CHMP2A: variants seen among roughly 807,000 people sequenced by gnomAD.
CHMP2A encodes VPS2 homolog A.
CHMP2A carries 6 observed loss-of-function variants against 21.8 expected under a neutral mutation model. The ratio of observed to expected loss-of-function variants is 0.28; its 90% CI spans 0.15 to 0.54. The LOEUF (loss-of-function observed/expected upper bound fraction) is 0.54. Among genes scored for constraint, CHMP2A ranks in the 20% least tolerant of loss-of-function variants. CHMP2A has a pLI of 0.95. For missense variants in CHMP2A, 303 were observed against 293.9 expected (o/e 1.03, Z -0.23); for synonymous variants, 125 against 107.0 (o/e 1.17, Z -1.04).
At chr19:58,551,810 T>C (rs1484029895) in intron 5 of CHMP2A, 34 bp from the exon 6 acceptor site, 1 of 1,613,402 alleles carries the variant, frequency 6.2e-7, no homozygotes, top group Admixed American at 1.7e-5. Context: ...GCAGGTGGGG[T>C]CAGGCAGCGG....
chr19:58,553,440 G>C (rs2053856266), intron 2 of CHMP2A, among the ~76,000 whole-genome samples: 1 of 141,182 alleles, frequency 7.1e-6, no homozygotes, highest in South Asian at 2.3e-4. Flanking sequence ...GCATGATCTT[G>C]GCTCACTGTA....
At position 58,554,053 on chromosome 19, in the gene CHMP2A, C is replaced by T. The variant is rs766161099; in HGVS notation, c.160G>A (p.Gly54Ser). ...CGACCACCCACACTCACCATCTGGC[C>T]TTGCTTGGCCATCTTCTTAATGTCT... ...IADIKKMAKQ[G>S]QMDAVRIMAK... The change falls in exon 2 of 6, where the codon GGC becomes AGC. Residue 54 changes from glycine (G) to serine (S), a missense_variant. Gly to Ser is a moderately conservative substitution (Grantham distance 56). Transcript: ENST00000312547. 2.2e-5 allele frequency: 35 copies of T among 1,613,712 alleles called. No individual in the cohort carries two copies. Among genetic ancestry groups the T allele is most frequent in the Non-Finnish European group, 2.7e-5 (32 of 1,180,032 alleles).
rs1248793851 is a variant in CHMP2A, at chr19:58,554,162, C to T, written c.51G>A (p.Gln17=). Residue 17 remains glutamine (Q), a synonymous_variant, in exon 2 of 6, where the codon CAG becomes CAA. Coordinates refer to ENST00000312547, the MANE Select transcript of CHMP2A (RefSeq NM_014453.4). Reference sequence around the variant, plus strand: ...TGGCACGGTTCAGGGCCCTCTGGTTCTGCCGCAGTAGCTCCTCTGGCGTCT... The same window carrying T: ...TGGCACGGTTCAGGGCCCTCTGGTTTTGCCGCAGTAGCTCCTCTGGCGTCT... ...RRKTPEELLR[Q]NQRALNRAMR... The T allele has an allele frequency of 6.2e-7, 1 of 1,614,120 alleles. No individual in the cohort carries two copies. The highest frequency in any genetic ancestry group is 1.7e-5 in the Admixed American group (1 of 60,028).
At position 58,551,970 on chromosome 19, in the gene CHMP2A, A is replaced by G. The variant is rs1383443088; in HGVS notation, c.480-3T>C. ...GAACCTGGGACACCACAGCATCACT[A>G]GGGAAGAGAGAGAACTCAGTGAGGG... On this transcript the variant is annotated splice_region_variant and splice_polypyrimidine_tract_variant and intron_variant, in intron 4 of 5. Transcript: ENST00000312547. 1.2e-6 allele frequency: 2 copies of G among 1,614,158 alleles called. No homozygotes were observed. The highest frequency in any genetic ancestry group is 1.1e-5 in the South Asian group (1 of 91,082).
chr19:58,551,729 T>C lies in CHMP2A; in HGVS notation c.589A>G (p.Lys197Glu). 6.2e-7 allele frequency: 1 copy of C among 1,613,982 alleles called. No individual in the cohort carries two copies. Among genetic ancestry groups the C allele is most frequent in the African/African-American group, 1.3e-5 (1 of 74,986 alleles). ...AGGGCTGAGGCTGCGGCCTCTGCTT[T>C]TTTCCCACCAGCAGCCACACTAAGC... ...GSLSVAAGGK[K>E]AEAAASALAD... is the part of the protein sequence containing the mutation. The change falls in exon 6 of 6, where the codon AAA becomes GAA. Residue 197 changes from lysine (K) to glutamate (E), a missense_variant. By Grantham distance (56) the Lys-to-Glu change is moderately conservative. Coordinates refer to ENST00000312547, the MANE Select transcript of CHMP2A (RefSeq NM_014453.4).
At chr19:58,552,023 C>T in intron 4 of CHMP2A, 32 bp downstream of exon 4, 1 of 1,614,184 alleles carries the variant, frequency 6.2e-7, no homozygotes. Context: ...GCCAGGCAAA[C>T]ATCTCCACCC....
intron 2 of CHMP2A, 103 bp from the exon 3 acceptor site, chr19:58,552,541 T>G: frequency 5.9e-5 from 65 of 1,109,292 alleles, no homozygotes; most frequent in Non-Finnish European, 7.2e-5. Flanking sequence ...CAATTTGCAA[T>G]TCCACTTGAA....
Position 58,551,788 on chromosome 19 carries a change from G to A in CHMP2A, c.542-12C>T, listed in dbSNP as rs1379024645. ...AGTTGAGGGGAGGTCTGCAGAGAAA[G>A]TGGGGGTTTGAGCAGGTGGGGTCAG... On this transcript the variant is annotated splice_polypyrimidine_tract_variant and intron_variant, in intron 5 of 5. Transcript: ENST00000312547. 2.5e-6 allele frequency: 4 copies of A among 1,614,028 alleles called. No individual in the cohort carries two copies. Among genetic ancestry groups the A allele is most frequent in the Non-Finnish European group, 3.4e-6 (4 of 1,180,026 alleles).
chr19:58,551,577 C>A lies in CHMP2A; in HGVS notation c.*72G>T. On this transcript the variant is annotated 3_prime_UTR_variant, in exon 6 of 6. Transcript: ENST00000312547. The stretch of plus-strand genomic sequence containing the variant: ...ATGGGCCTGGAGACTAGTGTCAAAT[C>A]TCTTTTATTACAGAGGGGTTGTGGT... 1 of 1,537,962 alleles carries A rather than the reference C, an allele frequency of 6.5e-7. No homozygotes were observed. The highest frequency in any genetic ancestry group is 1.2e-5 in the South Asian group (1 of 84,668).
Position 58,552,146 on chromosome 19 carries a change from C to G in CHMP2A, c.388G>C (p.Glu130Gln). 1.2e-6 allele frequency: 2 copies of G among 1,614,232 alleles called. No individual in the cohort carries two copies. Among genetic ancestry groups the G allele is most frequent in the Non-Finnish European group, 1.7e-6 (2 of 1,180,044 alleles). Residue 130 changes from glutamate to glutamine, a missense_variant, in exon 4 of 6, where the codon GAG becomes CAG. Coordinates refer to ENST00000312547, the MANE Select transcript of CHMP2A (RefSeq NM_014453.4). The stretch of plus-strand genomic sequence containing the variant: ...ATATCCATGATCTCTGCCTGCCGCT[C>G]AAACTCCATCATGATCTTCTGGATC... ...PQIQKIMMEF[E>Q]RQAEIMDMKE...
intron 2 of CHMP2A, among the ~76,000 whole-genome samples, chr19:58,553,256 C>T (rs1435557009): frequency 2.6e-5 from 4 of 152,120 alleles, no homozygotes; most frequent in Non-Finnish European, 5.9e-5. Flanking sequence ...GCCATGTTGG[C>T]CAGGCTGGTC....
Position 58,552,443 on chromosome 19 carries a change from A to G in CHMP2A, c.169-5T>C, listed in dbSNP as rs762745370. On this transcript the variant is annotated splice_polypyrimidine_tract_variant and splice_region_variant and intron_variant, in intron 2 of 5. Coordinates refer to ENST00000312547, the MANE Select transcript of CHMP2A (RefSeq NM_014453.4). ...TGCCATGATGCGAACAGCATCCTGC[A>G]GAGTAGACAAGGGTATCAAGGACAC... 2 of 1,612,120 alleles carry G rather than the reference A, an allele frequency of 1.2e-6. No homozygotes were observed. Among genetic ancestry groups the G allele is most frequent in the South Asian group, 2.2e-5 (2 of 90,940 alleles).
chr19:58,554,401 G>T, intron 1 of CHMP2A, 165 bp from the exon 2 acceptor site: 1 of 619,676 alleles, frequency 1.6e-6, no homozygotes. Flanking sequence ...GATTGTCCCG[G>T]GGACACATAA....
intron 2 of CHMP2A, among the ~76,000 whole-genome samples, chr19:58,552,960 C>A (rs10414125): frequency 6.6e-6 from 1 of 152,054 alleles, no homozygotes; most frequent in African/African-American, 2.4e-5. Flanking sequence ...AGGCCAAAAC[C>A]CTCTCACCCA....
chr19:58,553,174 C>T (rs2053852953), intron 2 of CHMP2A, among the ~76,000 whole-genome samples: 1 of 151,694 alleles, frequency 6.6e-6, no homozygotes, highest in Non-Finnish European at 1.5e-5. Context: ...TCTTCTGCCT[C>T]AGCCTCTCGA....
chr19:58,551,641 A>C lies in CHMP2A; in HGVS notation c.*8T>G, dbSNP rs191347976. On this transcript the variant is annotated 3_prime_UTR_variant, in exon 6 of 6. Transcript: ENST00000312547. ...CATCCACTGGTTATCTCGGAGTGGC[A>C]GGGGCACTCAGTCCCTCCGCAGGTT... 6.2e-7 allele frequency: 1 copy of C among 1,612,748 alleles called. No homozygotes were observed. The highest frequency in any genetic ancestry group is 1.1e-5 in the South Asian group (1 of 90,970).
In CHMP2A at chr19:58,553,886, G is replaced by A. The variant is rs1451774338; in HGVS notation, c.168+159C>T. ...GCCTTGGATCTCATACCAGTTCCTT[G>A]GAGGCAGCCTTCCAGACCCTCAAAC... is the stretch of plus-strand genomic sequence containing the variant. On this transcript the variant is annotated intron_variant, in intron 2 of 5. Transcript: ENST00000312547. 4 of 863,252 alleles carry A rather than the reference G, an allele frequency of 4.6e-6. No individual in the cohort carries two copies. The East Asian group carries it at 9.8e-5, about 21-fold the overall frequency. The allele number at this position is 863,252 out of a possible 1,614,324, so 53.5% of individuals were successfully genotyped here.
chr19:58,552,455 G>A lies in CHMP2A; in HGVS notation c.169-17C>T, dbSNP rs373323979. The A allele has an allele frequency of 7.0e-5, 113 of 1,608,386 alleles. No homozygotes were observed. The highest frequency in any genetic ancestry group is 3.3e-4 in the Middle Eastern group (2 of 6,046). On this transcript the variant is annotated splice_polypyrimidine_tract_variant and intron_variant, in intron 2 of 5. Transcript: ENST00000312547. ...AACAGCATCCTGCAGAGTAGACAAG[G>A]GTATCAAGGACACAGGAATGAGATT...
rs766931045 is a variant in CHMP2A at position 58,554,109 on chromosome 19, TTC to T, written c.102_103del (p.Lys35ThrfsTer13). 6.2e-7 allele frequency: 1 copy of T among 1,614,180 alleles called. No homozygotes were observed. The highest frequency in any genetic ancestry group is 8.5e-7 in the Non-Finnish European group (1 of 1,180,032). On this transcript the variant is annotated frameshift_variant, in exon 2 of 6. Transcript: ENST00000312547. LOFTEE classifies it high-confidence loss of function. ...GATTTTCTTCTCCTGGGTCTCTAGT[TTC>T]TGTCGCTCGCGGTCCAGCTCCCGCA...
Sources: allele counts gnomAD v4.1 joint callset (sites outside exome capture counted in the v4.1 genomes callset), GRCh38; gene constraint gnomAD v4.1.1; transcripts MANE v1.5; gene names NCBI Gene and HGNC (gene_info 2026-07-23, HGNC 2026-07-21).